EHD4: variants seen among roughly 807,000 people sequenced by gnomAD.
The protein encoded by EHD4 is EH domain-containing protein 4.
In EHD4, 37 loss-of-function variants were observed where a neutral mutation model predicts 51.0. The ratio of observed to expected loss-of-function variants is 0.73; its 90% CI spans 0.56 to 0.95. EHD4 has a LOEUF of 0.95. Among genes scored for constraint, EHD4 ranks in the 40% least tolerant of loss-of-function variants. The pLI, the probability that EHD4 is intolerant of heterozygous loss-of-function variation, is 0.00. For missense variants in EHD4, 632 were observed against 733.1 expected (o/e 0.86, Z 1.59); for synonymous variants, 297 against 317.3 (o/e 0.94, Z 0.68).
At chr15:41,953,628 G>A (rs2067867250) in intron 2 of EHD4, 136 bp downstream of exon 2, 2 of 994,944 alleles carry the variant, frequency 2.0e-6, no homozygotes, top group Non-Finnish European at 2.9e-6. Flanking sequence ...ATCTTAATAT[G>A]ATAAACATAT....
At chr15:41,908,309 T>G (rs1016420297) in intron 5 of EHD4, 1 of 152,232 alleles carries the variant, frequency 6.6e-6, no homozygotes, top group Non-Finnish European at 1.5e-5. Context: ...GTATAATTTA[T>G]ATAAAGCTTG....
chr15:41,916,168 T>C (rs1036243194), intron 4 of EHD4, among the ~76,000 whole-genome samples: 1 of 152,242 alleles, frequency 6.6e-6, no homozygotes, highest in Non-Finnish European at 1.5e-5. Context: ...GTCAGCTTGA[T>C]AAACCTAAAC....
Position 41,929,175 on chromosome 15 carries a change from G to A in EHD4, c.512-9553C>T, listed in dbSNP as rs372701608. Among the ~76,000 whole-genome samples, 42 of 152,366 alleles carry A rather than the reference G, an allele frequency of 2.8e-4. No homozygotes were observed. In the South Asian group the frequency reaches 8.3e-3, roughly 30 times the overall value. On this transcript the variant is annotated intron_variant, in intron 3 of 5. Transcript: ENST00000220325. ...GCGTGTCCAGGGATGGCGTTGTGCT[G>A]TTTATCCGCTCTCTGCTCTTCCCAC...
chr15:41,949,645 C>G (rs1026193471), intron 2 of EHD4, among the ~76,000 whole-genome samples: 2 of 151,978 alleles, frequency 1.3e-5, no homozygotes. Context: ...GCCAGTGATT[C>G]AAGTTATTTT....
At chr15:41,949,586 T>C (rs890184713) in intron 2 of EHD4, among the ~76,000 whole-genome samples, 3 of 152,140 alleles carry the variant, frequency 2.0e-5, no homozygotes, top group Non-Finnish European at 4.4e-5. Flanking sequence ...GGAAGGGCTG[T>C]TCACATTCCT....
chr15:41,927,125 T>C (rs2067668002), intron 3 of EHD4, among the ~76,000 whole-genome samples: 1 of 152,250 alleles, frequency 6.6e-6, no homozygotes, highest in Non-Finnish European at 1.5e-5. Flanking sequence ...AAATGGTATA[T>C]ACATTTGCTG....
At chr15:41,905,383 G>C (rs186839339) in intron 5 of EHD4, among the ~76,000 whole-genome samples, 60 of 152,312 alleles carry the variant, frequency 3.9e-4, no homozygotes, top group African/African-American at 1.4e-3. Flanking sequence ...TGTGGGAATC[G>C]AGGCTGCGTC....
In EHD4 at chr15:41,953,750, T is replaced by C. The variant is rs1566826334; in HGVS notation, c.413+14A>G. ...AAACAGCCTGACCGAAGATGGCAGC[T>C]TGCTGGTCCTTACCGATTCAGGAAA... On this transcript the variant is annotated intron_variant, in intron 2 of 5. Coordinates refer to ENST00000220325, the MANE Select transcript of EHD4 (RefSeq NM_139265.4). 1.9e-6 allele frequency: 3 copies of C among 1,580,464 alleles called. No individual in the cohort carries two copies. The highest frequency in any genetic ancestry group is 2.6e-6 in the Non-Finnish European group (3 of 1,166,286).
intron 2 of EHD4, among the ~76,000 whole-genome samples, chr15:41,946,897 A>G (rs1380209609): frequency 6.6e-6 from 1 of 152,234 alleles, no homozygotes; most frequent in African/African-American, 2.4e-5. Flanking sequence ...CAAAACAGTA[A>G]TATCTGTAGC....
chr15:41,972,176 C>G, intron 1 of EHD4, 83 bp downstream of exon 1: 1 of 1,246,238 alleles, frequency 8.0e-7, no homozygotes, highest in Non-Finnish European at 1.0e-6. Context: ...CCGGGAGGGG[C>G]AGCGGCGGGA....
intron 3 of EHD4, among the ~76,000 whole-genome samples, chr15:41,924,675 G>A (rs2067649643): frequency 6.6e-6 from 1 of 152,208 alleles, no homozygotes; most frequent in Admixed American, 6.5e-5. Flanking sequence ...CAGACAAACA[G>A]GGAGCGTCTC....
At chr15:41,960,569 T>C (rs1166362760) in intron 1 of EHD4, among the ~76,000 whole-genome samples, 5 of 152,132 alleles carry the variant, frequency 3.3e-5, no homozygotes, top group Admixed American at 2.6e-4. Flanking sequence ...TTTGCTGTTA[T>C]AAATAATGCT....
In EHD4 at chr15:41,900,663, G is replaced by C. The variant is rs761925809; in HGVS notation, c.1608C>G (p.Ser536=). The C allele has an allele frequency of 1.1e-4, 169 of 1,597,004 alleles. 4 individuals are homozygous for C. In the South Asian group the frequency reaches 1.8e-3, roughly 17 times the overall value. Reference sequence around the variant, plus strand: ...CCACCCCTCAGTCGGCCTTGGGCAGGGACTTCCTGTGCGAGGGGGGCACGA... The same window carrying C: ...CCACCCCTCAGTCGGCCTTGGGCAGCGACTTCCTGTGCGAGGGGGGCACGA... The part of the protein sequence containing the change: ...PHLVPPSHRK[S]LPKAD Residue 536 remains serine, a synonymous_variant, in exon 6 of 6, where the codon TCC becomes TCG. Coordinates refer to ENST00000220325, the MANE Select transcript of EHD4 (RefSeq NM_139265.4). This position sits in a 1 kb window ranked among gnomAD's most constrained non-coding sequence, Gnocchi z 4.8.
Position 41,909,758 on chromosome 15 carries a change from G to C in EHD4, c.1030C>G (p.Gln344Glu), listed in dbSNP as rs760862597. 1 of 1,614,188 alleles carries C rather than the reference G, an allele frequency of 6.2e-7. No individual in the cohort carries two copies. The highest frequency in any genetic ancestry group is 8.5e-7 in the Non-Finnish European group (1 of 1,180,034). The change falls in exon 5 of 6, where the codon CAG becomes GAG. Residue 344 changes from glutamine (Q) to glutamate (E), a missense_variant. Physicochemically the swap from Gln to Glu is conservative, Grantham distance 29. Transcript: ENST00000220325. ...GAAATCTGGTATTCTCGCTGTAGCTGAATGTAGATTTCCGGTAGCCTGCTG... is the reference window on the plus strand; with the variant it reads ...GAAATCTGGTATTCTCGCTGTAGCTCAATGTAGATTTCCGGTAGCCTGCTG... Reference protein sequence around the residue: ...LISRLPEIYIQLQREYQISAG... With the variant: ...LISRLPEIYIELQREYQISAG...
rs897037053 is a variant in EHD4, at chr15:41,900,592, G to A, written c.*53C>T. ...GGTCATTCGGTGAGTCAGTGGTGGA[G>A]CAGGCCTGAGGCCCAGGTCCCCCAG... On this transcript the variant is annotated 3_prime_UTR_variant, in exon 6 of 6. Coordinates refer to ENST00000220325, the MANE Select transcript of EHD4 (RefSeq NM_139265.4). This position sits in a 1 kb window ranked among gnomAD's most constrained non-coding sequence, Gnocchi z 4.8. 11 of 1,488,868 alleles carry A rather than the reference G, an allele frequency of 7.4e-6. No individual in the cohort carries two copies. In the African/African-American group the frequency reaches 1.5e-4, roughly 21 times the overall value. The allele number at this position is 1,488,868 out of a possible 1,614,324, so 92.2% of individuals were successfully genotyped here.
intron 5 of EHD4, 42 bp downstream of exon 5, chr15:41,909,657 C>T (rs751682409): frequency 4.3e-6 from 7 of 1,610,386 alleles, no homozygotes; most frequent in Middle Eastern, 1.7e-4. Flanking sequence ...TGGCACTGCA[C>T]CTCTGCCCTC....
intron 2 of EHD4, among the ~76,000 whole-genome samples, chr15:41,945,131 T>C (rs2067802966): frequency 6.6e-6 from 1 of 152,220 alleles, no homozygotes; most frequent in Admixed American, 6.5e-5. Context: ...TTCCATCAGA[T>C]GGCCCGAGAC....
intron 3 of EHD4, among the ~76,000 whole-genome samples, chr15:41,925,281 T>C (rs2067653976): frequency 6.6e-6 from 1 of 152,188 alleles, no homozygotes; most frequent in South Asian, 2.1e-4. Context: ...AACGAAGCTA[T>C]AGTAGAAGCC....
Position 41,944,485 on chromosome 15 carries a change from T to A in EHD4, c.414-1321A>T, listed in dbSNP as rs538155866. ...ACTCACAAAGTAAAAATGCTGGGAA[T>A]GCAGGACAGGGAGGCCTGGCCAGCC... On this transcript the variant is annotated intron_variant, in intron 2 of 5. Coordinates refer to ENST00000220325, the MANE Select transcript of EHD4 (RefSeq NM_139265.4). 2.0e-5 allele frequency among the ~76,000 whole-genome samples: 3 copies of A among 152,290 alleles called. No homozygotes were observed. In the South Asian group the frequency reaches 6.2e-4, roughly 32 times the overall value.
Sources: gnomAD v4.1 joint callset for allele counts (sites outside exome capture counted in the v4.1 genomes callset) on GRCh38, gnomAD v4.1.1 for gene constraint, Gnocchi (gnomAD v3.1) non-coding constraint, MANE v1.5 for transcripts, NCBI Gene and HGNC (gene_info 2026-07-23, HGNC 2026-07-21) for gene names.